The following TECTA variants were observed in gnomAD, a reference collection of about 807,000 sequenced individuals.
TECTA encodes the protein tectorin alpha.
In TECTA, 128 loss-of-function variants were observed where a neutral mutation model predicts 216.8. The ratio of observed to expected loss-of-function variants is 0.59; its 90% CI spans 0.51 to 0.68. TECTA has a LOEUF of 0.68. Ranked by LOEUF, TECTA falls within the 30% of genes least tolerant of loss-of-function variation. The pLI is 0.00. For synonymous variants in TECTA, 1,089 were observed against 1,117.1 expected, an observed-to-expected ratio of 0.97 and a Z score of 0.50; for missense variants, 2,551 against 2,786.2, an observed-to-expected ratio of 0.92 and a Z score of 1.90.
chr11:121,157,911 G>A lies in TECTA; in HGVS notation c.4376G>A (p.Cys1459Tyr). Residue 1459 changes from cysteine to tyrosine, a missense_variant, in exon 14 of 24, where the codon TGC (cysteine) becomes TAC (tyrosine). Physicochemically the swap from Cys to Tyr is radical, Grantham distance 194 (BLOSUM62 -2). Transcript: ENST00000392793. ...CRCFRRNVIQ[C>Y]DPRQCKSDEE... ...TGTTTCCGTCGCAACGTGATTCAGTGCGACCCGCGCCAATGCAAGTCAGAC... is the reference window on the plus strand; with the variant it reads ...TGTTTCCGTCGCAACGTGATTCAGTACGACCCGCGCCAATGCAAGTCAGAC... 2 of 1,614,222 alleles carry A rather than the reference G, an allele frequency of 1.2e-6. No homozygotes were observed. Among genetic ancestry groups the A allele is most frequent in the South Asian group, 1.1e-5 (1 of 91,090 alleles).
chr11:121,137,331 C>G, intron 10 of TECTA, 90 bp from the exon 11 acceptor site: 1 of 1,545,712 alleles, frequency 6.5e-7, no homozygotes, highest in Non-Finnish European at 8.9e-7. Context: ...CACAAACACA[C>G]ATGCACTCAT....
rs368993642 is a variant in TECTA at position 121,137,965 on chromosome 11, C to T, written c.3486C>T (p.Asp1162=). Residue 1162 remains aspartate, a synonymous_variant, in exon 11 of 24, where the codon GAC becomes GAT. Transcript: ENST00000392793. Reference sequence around the variant, plus strand: ...TGGCCTTGTGGGTTAAGCAGGTGGACGTGACCGTGTTTGGCTACAGCATCG... The same window carrying T: ...TGGCCTTGTGGGTTAAGCAGGTGGATGTGACCGTGTTTGGCTACAGCATCG... ...PSLALWVKQV[D]VTVFGYSIVI... 23 of 1,612,868 alleles carry T rather than the reference C, an allele frequency of 1.4e-5. No individual in the cohort carries two copies. Among genetic ancestry groups the T allele is most frequent in the South Asian group, 2.2e-5 (2 of 91,060 alleles).
chr11:121,103,125 A>G (rs541008748), intron 2 of TECTA, among the ~76,000 whole-genome samples: 1 of 152,300 alleles, frequency 6.6e-6, no homozygotes, highest in Non-Finnish European at 1.5e-5. Flanking sequence ...TCGGCCAAAA[A>G]CTAGGAAATT....
rs886286480 is a variant in TECTA, at chr11:121,174,269, C to A, written c.5999+5344C>A. Among the ~76,000 whole-genome samples, 96 of 151,088 alleles carry A rather than the reference C, an allele frequency of 6.4e-4. 1 individual carries two copies. Among genetic ancestry groups the A allele is most frequent in the African/African-American group, 2.1e-3 (87 of 40,882 alleles). ...AGAGAGGGCATCCCTGTCTTGTGCCCGTTTTCAAAGGGAATGCTTCCAGTT... is the reference window on the plus strand; with the variant it reads ...AGAGAGGGCATCCCTGTCTTGTGCCAGTTTTCAAAGGGAATGCTTCCAGTT... On this transcript the variant is annotated intron_variant, in intron 20 of 23. Coordinates refer to ENST00000392793, the MANE Select transcript of TECTA (RefSeq NM_005422.4).
At chr11:121,185,453 G>C (rs549916594) in intron 20 of TECTA, among the ~76,000 whole-genome samples, 31 of 129,218 alleles carry the variant, frequency 2.4e-4, no homozygotes, top group Admixed American at 3.0e-4. Context: ...AGCAGATGTT[G>C]AATGCTTAAT....
Position 121,129,939 on chromosome 11 carries a change from G to A in TECTA, c.2669G>A (p.Gly890Glu), listed in dbSNP as rs1946655419. ...TFEEICNGEC[G>E]DLLKACNNDS... Reference sequence around the variant, plus strand: ...GAGGAGATCTGCAATGGAGAGTGTGGGGACCTGCTGAAGGCCTGCAACAAT... The same window carrying A: ...GAGGAGATCTGCAATGGAGAGTGTGAGGACCTGCTGAAGGCCTGCAACAAT... Residue 890 changes from glycine to glutamate, a missense_variant, in exon 10 of 24, where the codon GGG (glycine) becomes GAG (glutamate). This residue lies in a region of TECTA where 2,375 missense variants were observed against 2,563.9 expected (regional missense o/e 0.93). Coordinates refer to ENST00000392793, the MANE Select transcript of TECTA (RefSeq NM_005422.4). 6.2e-7 allele frequency: 1 copy of A among 1,610,160 alleles called. No individual in the cohort carries two copies. The highest frequency in any genetic ancestry group is 8.5e-7 in the Non-Finnish European group (1 of 1,177,248).
intron 20 of TECTA, among the ~76,000 whole-genome samples, chr11:121,170,742 T>G (rs2134199669): frequency 6.6e-6 from 1 of 152,244 alleles, no homozygotes; most frequent in Non-Finnish European, 1.5e-5. Context: ...TGAGAAATAT[T>G]TGTGTAAATC....
In TECTA at chr11:121,157,934, GA is replaced by G; in HGVS notation, c.4400del (p.Asp1467AlafsTer98). ...GTGCGACCCGCGCCAATGCAAGTCAGACGAGGAGTGTGCGCTGCGCAACGGG... is the reference window on the plus strand; with the variant it reads ...GTGCGACCCGCGCCAATGCAAGTCAGCGAGGAGTGTGCGCTGCGCAACGGG... ...IQCDPRQCKS[D>X]EECALRNGVR... is the part of the protein sequence containing the mutation. On this transcript the variant is annotated frameshift_variant, in exon 14 of 24. Coordinates refer to ENST00000392793, the MANE Select transcript of TECTA (RefSeq NM_005422.4). LOFTEE classifies it high-confidence loss of function. The G allele has an allele frequency of 6.2e-7, 1 of 1,614,120 alleles. No homozygotes were observed. Among genetic ancestry groups the G allele is most frequent in the Non-Finnish European group, 8.5e-7 (1 of 1,180,036 alleles).
Position 121,160,364 on chromosome 11 carries a change from C to T in TECTA, c.4919C>T (p.Pro1640Leu), listed in dbSNP as rs143546623. 41 of 1,613,698 alleles carry T rather than the reference C, an allele frequency of 2.5e-5. No individual in the cohort carries two copies. The highest frequency in any genetic ancestry group is 4.5e-5 in the East Asian group (2 of 44,882). Residue 1640 changes from proline to leucine, a missense_variant, in exon 15 of 24, where the codon CCG (proline) becomes CTG (leucine). Physicochemically the swap from Pro to Leu is moderately conservative, Grantham distance 98. This residue lies in a region of TECTA where 2,375 missense variants were observed against 2,563.9 expected (regional missense o/e 0.93). Transcript: ENST00000392793. ...TDDYVTLRGKPVVSSVVLAQS... is the reference protein window; with the variant it reads ...TDDYVTLRGKLVVSSVVLAQS... ...GATTATGTGACCTTGCGAGGGAAGC[C>T]GGTGGTAAGCAGCGTGGTGCTGGCC...
At position 121,125,298 on chromosome 11, in the gene TECTA, G is replaced by T. The variant is rs1427497178; in HGVS notation, c.1204-4G>T. 1.2e-6 allele frequency: 2 copies of T among 1,612,124 alleles called. No homozygotes were observed. Among genetic ancestry groups the T allele is most frequent in the Non-Finnish European group, 1.7e-6 (2 of 1,180,016 alleles). ...CTGCCTTTCACTATTACTGTTGTTG[G>T]CAGGTTAATGACCTAGTGACTTCTT... On this transcript the variant is annotated splice_region_variant and splice_polypyrimidine_tract_variant and intron_variant, in intron 7 of 23. Transcript: ENST00000392793.
intron 9 of TECTA, 35 bp downstream of exon 9, chr11:121,128,379 T>C: frequency 6.3e-7 from 1 of 1,589,316 alleles, no homozygotes; most frequent in Non-Finnish European, 8.5e-7. Flanking sequence ...GGGTTCCTGG[T>C]ACGTCCAGCC....
chr11:121,130,944 G>GGGA (rs1408203047), intron 10 of TECTA, among the ~76,000 whole-genome samples: 2 of 152,056 alleles, frequency 1.3e-5, no homozygotes, highest in Non-Finnish European at 2.9e-5. Context: ...GCCGGGCATG[G>GGGA]TGGCTCACGC....
intron 21 of TECTA, among the ~76,000 whole-genome samples, chr11:121,188,572 A>C (rs531349720): frequency 5.3e-5 from 8 of 152,342 alleles, no homozygotes; most frequent in African/African-American, 1.9e-4. Flanking sequence ...ATGAGGTAGC[A>C]AACCAATGAT....
intron 3 of TECTA, among the ~76,000 whole-genome samples, chr11:121,108,887 T>A (rs1008083732): frequency 6.7e-6 from 1 of 149,386 alleles, no homozygotes; most frequent in Non-Finnish European, 1.5e-5. Context: ...TCACCTGTAG[T>A]ACACACATAC....
Position 121,109,515 on chromosome 11 carries a change from T to C in TECTA, c.486+17T>C. 1 of 1,614,108 alleles carries C rather than the reference T, an allele frequency of 6.2e-7. No homozygotes were observed. The highest frequency in any genetic ancestry group is 8.5e-7 in the Non-Finnish European group (1 of 1,179,994). ...ACCACACCTGTAATAATTCAAATTT[T>C]CTGCTTTCCACTTCATAACCTGACA... On this transcript the variant is annotated intron_variant, in intron 4 of 23. Transcript: ENST00000392793.
At chr11:121,136,429 G>T (rs1946727853) in intron 10 of TECTA, among the ~76,000 whole-genome samples, 1 of 152,102 alleles carries the variant, frequency 6.6e-6, no homozygotes, top group Non-Finnish European at 1.5e-5. Flanking sequence ...GAATGATGAG[G>T]AGGTGGACGA....
intron 11 of TECTA, among the ~76,000 whole-genome samples, chr11:121,143,699 C>T (rs536916352): frequency 6.6e-6 from 1 of 152,226 alleles, no homozygotes; most frequent in Non-Finnish European, 1.5e-5. Context: ...TCAACAAATA[C>T]TCACAGAAGA....
chr11:121,173,402 A>C (rs1461694951), intron 20 of TECTA, among the ~76,000 whole-genome samples: 3 of 143,378 alleles, frequency 2.1e-5, no homozygotes, highest in African/African-American at 5.3e-5. Flanking sequence ...TCAGCTTTCT[A>C]CATATGGCTA....
chr11:121,178,771 G>A (rs1947196394), intron 20 of TECTA, among the ~76,000 whole-genome samples: 3 of 152,070 alleles, frequency 2.0e-5, no homozygotes, highest in Admixed American at 2.0e-4. Flanking sequence ...ATTCAATCCT[G>A]TTATTAGTTA....
Sources: allele counts gnomAD v4.1 joint callset (sites outside exome capture counted in the v4.1 genomes callset), GRCh38; gene constraint gnomAD v4.1.1; regional missense constraint gnomAD v4.1.1; transcripts MANE v1.5; gene names NCBI Gene and HGNC (gene_info 2026-07-23, HGNC 2026-07-21).